HSD17B2: variants seen among roughly 807,000 people sequenced by gnomAD.
HSD17B2 encodes hydroxysteroid 17-beta dehydrogenase 2.
A neutral mutation model predicts 26.9 loss-of-function variants in HSD17B2; 32 were observed. The observed-to-expected ratio is 1.19, with a 90% CI of 0.90 to 1.60. The LOEUF (loss-of-function observed/expected upper bound fraction) is 1.60. HSD17B2 is among the 40% of genes most tolerant of loss of function. The probability of loss-of-function intolerance (pLI) is 0.00; values close to 1 mark genes in which losing one functional copy is unlikely to be tolerated. For missense variants in HSD17B2, 613 were observed against 468.6 expected, an observed-to-expected ratio of 1.31 and a Z score of -2.85; for synonymous variants, 246 against 186.7, an observed-to-expected ratio of 1.32 and a Z score of -2.59.
At chr16:82,065,593 TG>T (rs1914552612) in intron 1 of HSD17B2, among the ~76,000 whole-genome samples, 1 of 152,202 alleles carries the variant, frequency 6.6e-6, no homozygotes. Context: ...CAGCAGGGTG[TG>T]TATAACCAGG....
intron 3 of HSD17B2, among the ~76,000 whole-genome samples, chr16:82,087,504 T>C (rs1904561376): frequency 6.6e-6 from 1 of 152,180 alleles, no homozygotes; most frequent in South Asian, 2.1e-4. Context: ...TGCCATTTCA[T>C]AGGTAAGACA....
At chr16:82,076,850 T>G (rs1200909383) in intron 3 of HSD17B2, among the ~76,000 whole-genome samples, 1 of 152,168 alleles carries the variant, frequency 6.6e-6, no homozygotes, top group African/African-American at 2.4e-5. Flanking sequence ...AAGGCTGGGA[T>G]TACAGGCATT....
intron 1 of HSD17B2, among the ~76,000 whole-genome samples, chr16:82,040,197 G>C (rs1305991620): frequency 6.6e-6 from 1 of 152,194 alleles, no homozygotes; most frequent in Non-Finnish European, 1.5e-5. Flanking sequence ...TGTCTCACGT[G>C]AGTGATCATC....
intron 1 of HSD17B2, among the ~76,000 whole-genome samples, chr16:82,045,708 G>T (rs777371669): frequency 2.0e-5 from 3 of 152,234 alleles, no homozygotes; most frequent in Non-Finnish European, 4.4e-5. Context: ...TTTTGTAGCA[G>T]ACTTGCTTTG....
chr16:82,041,688 T>C (rs149899776), intron 1 of HSD17B2, among the ~76,000 whole-genome samples: 64 of 152,364 alleles, frequency 4.2e-4, no homozygotes, highest in African/African-American at 1.4e-3. Context: ...GAACTGCATT[T>C]CCATGCTTCT....
chr16:82,091,171 G>T (rs2955154), intron 4 of HSD17B2, 132 bp downstream of exon 4: 916,165 of 916,168 alleles, frequency 1, 458,081 homozygotes, highest in Middle Eastern at 1. Context: ...TCAGTTAAAG[G>T]GGTGAAAACA....
At chr16:82,046,393 A>C (rs8050327) in intron 1 of HSD17B2, among the ~76,000 whole-genome samples, 15,191 of 152,100 alleles carry the variant, frequency 0.1, 2,509 homozygotes, top group African/African-American at 0.34. Flanking sequence ...GCCTAATTTC[A>C]TTTAATTCTC....
At chr16:82,092,564 A>G (rs1904726426) in intron 4 of HSD17B2, 1 of 152,224 alleles carries the variant, frequency 6.6e-6, no homozygotes, top group South Asian at 2.1e-4. Context: ...GATAGCTGAG[A>G]ACCTCCTAAG....
At chr16:82,054,946 C>T (rs1217887358) in intron 1 of HSD17B2, among the ~76,000 whole-genome samples, 1 of 152,202 alleles carries the variant, frequency 6.6e-6, no homozygotes, top group Non-Finnish European at 1.5e-5. Context: ...GTTTCTCAAC[C>T]TCGGCTCTCT....
At chr16:82,081,668 G>C (rs1567590539) in intron 3 of HSD17B2, among the ~76,000 whole-genome samples, 1 of 152,190 alleles carries the variant, frequency 6.6e-6, no homozygotes, top group African/African-American at 2.4e-5. Flanking sequence ...TCTTAGCATA[G>C]CTGCTTATGT....
chr16:82,087,464 T>C (rs1350716791), intron 3 of HSD17B2, among the ~76,000 whole-genome samples: 1 of 152,090 alleles, frequency 6.6e-6, no homozygotes, highest in Non-Finnish European at 1.5e-5. Flanking sequence ...AACGGCAAGA[T>C]TGGATGGATG....
At chr16:82,050,266 C>T (rs1914067194) in intron 1 of HSD17B2, among the ~76,000 whole-genome samples, 1 of 152,108 alleles carries the variant, frequency 6.6e-6, no homozygotes, top group Non-Finnish European at 1.5e-5. Context: ...GCTGCACTAC[C>T]CAGCATTCTG....
intron 3 of HSD17B2, among the ~76,000 whole-genome samples, chr16:82,074,732 G>C (rs915776334): frequency 9.2e-5 from 14 of 152,174 alleles, no homozygotes; most frequent in African/African-American, 3.4e-4. Flanking sequence ...CAGAGAGATA[G>C]ACCTCAATAC....
intron 3 of HSD17B2, among the ~76,000 whole-genome samples, chr16:82,079,007 T>TA (rs1436953568): frequency 6.6e-6 from 1 of 152,172 alleles, no homozygotes; most frequent in Admixed American, 6.5e-5. Flanking sequence ...ATTGTGCATT[T>TA]AAAAATAACT....
chr16:82,035,829 G>A, intron 1 of HSD17B2, 140 bp downstream of exon 1: 1 of 922,852 alleles, frequency 1.1e-6, no homozygotes, highest in East Asian at 2.5e-5. Context: ...TATTTTTCAT[G>A]ACACTGTTTT....
In HSD17B2 at chr16:82,035,621, T is replaced by A. The variant is rs760714934; in HGVS notation, c.197T>A (p.Phe66Tyr). ...WGLILFSVSC[F>Y]LMYTYLSGQE... The stretch of plus-strand genomic sequence containing the variant: ...TTGATCCTCTTCTCGGTGTCATGCT[T>A]CCTCATGTATACTTACTTATCTGGC... The change falls in exon 1 of 5, where the codon TTC becomes TAC. Residue 66 changes from phenylalanine (F) to tyrosine (Y), a missense_variant. Phe to Tyr is a conservative substitution (Grantham distance 22, BLOSUM62 3). Transcript: ENST00000199936. 6.2e-7 allele frequency: 1 copy of A among 1,613,944 alleles called. No homozygotes were observed. Among genetic ancestry groups the A allele is most frequent in the Middle Eastern group, 1.6e-4 (1 of 6,062 alleles).
intron 1 of HSD17B2, among the ~76,000 whole-genome samples, chr16:82,067,393 A>G (rs1914596960): frequency 6.6e-6 from 1 of 152,252 alleles, no homozygotes; most frequent in Non-Finnish European, 1.5e-5. Context: ...TTCAGACATC[A>G]ACGTTTTGCA....
chr16:82,055,796 G>A (rs934049842), intron 1 of HSD17B2, among the ~76,000 whole-genome samples: 6 of 152,198 alleles, frequency 3.9e-5, no homozygotes, highest in African/African-American at 7.2e-5. Flanking sequence ...CAATAGAAGC[G>A]TGGATCCAAC....
rs765233309 is a variant in HSD17B2, at chr16:82,098,338, A to C, written c.1066A>C (p.Ile356Leu). The change falls in exon 5 of 5, where the codon ATT becomes CTT. Residue 356 changes from isoleucine to leucine, a missense_variant. By Grantham distance (5) the Ile-to-Leu change is conservative (BLOSUM62 2). Coordinates refer to ENST00000199936, the MANE Select transcript of HSD17B2 (RefSeq NM_002153.3). ...GATCTGCCTTGCTCACTATTTGCCT[A>C]TTGGCATATATGATTACTTTGCTAA... ...LWICLAHYLPIGIYDYFAKRH... is the reference protein window; with the variant it reads ...LWICLAHYLPLGIYDYFAKRH... 4 of 1,614,174 alleles carry C rather than the reference A, an allele frequency of 2.5e-6. No homozygotes were observed. The African/African-American group carries it at 4.0e-5, about 16-fold the overall frequency.
Sources: gnomAD v4.1 joint callset for allele counts (sites outside exome capture counted in the v4.1 genomes callset) on GRCh38, gnomAD v4.1.1 for gene constraint, MANE v1.5 for transcripts, NCBI Gene and HGNC (gene_info 2026-07-23, HGNC 2026-07-21) for gene names.